The following ANKRD30A variants were observed in gnomAD, a reference collection of about 807,000 sequenced individuals.
The protein encoded by ANKRD30A is ankyrin repeat domain-containing protein 30A.
In ANKRD30A, 170 loss-of-function variants were observed where a neutral mutation model predicts 166.3. The observed-to-expected ratio is 1.02, with a 90% CI of 0.90 to 1.16. ANKRD30A has a LOEUF of 1.16. Ranked by LOEUF, ANKRD30A falls within the 50% of genes most tolerant of loss-of-function variation. The probability of loss-of-function intolerance (pLI) is 0.00; values close to 1 mark genes in which losing one functional copy is unlikely to be tolerated. For synonymous variants in ANKRD30A, 564 were observed against 508.9 expected (o/e 1.11, Z -1.46); for missense variants, 1,630 against 1,518.0 (o/e 1.07, Z -1.23).
chr10:37,194,978 G>A lies in ANKRD30A; in HGVS notation c.2614+1720G>A, dbSNP rs538921179. Among the ~76,000 whole-genome samples the A allele has an allele frequency of 4.3e-4, 65 of 152,062 alleles. 2 individuals carry two copies. The East Asian group carries it at 7.9e-3, about 18-fold the overall frequency. On this transcript the variant is annotated intron_variant, in intron 27 of 35. Transcript: ENST00000361713. ...CCAATATGCATTACAACTGTTAGTT[G>A]TTAACCATGAAAATTATGACATTGT...
chr10:37,199,349 G>A (rs1355936048), intron 29 of ANKRD30A, among the ~76,000 whole-genome samples: 2 of 151,992 alleles, frequency 1.3e-5, no homozygotes, highest in African/African-American at 2.4e-5. Context: ...ATCAACGTAA[G>A]TAATACTACC....
intron 29 of ANKRD30A, among the ~76,000 whole-genome samples, chr10:37,198,817 C>G (rs1270122079): frequency 6.6e-6 from 1 of 152,070 alleles, no homozygotes; most frequent in Non-Finnish European, 1.5e-5. Context: ...ATGAAATGGT[C>G]TTTTAAGTTT....
At chr10:37,149,197 G>A (rs978998267) in intron 9 of ANKRD30A, among the ~76,000 whole-genome samples, 4 of 151,926 alleles carry the variant, frequency 2.6e-5, no homozygotes. Context: ...ATATATCCAA[G>A]CTGATCAATT....
rs750883195 is a variant in ANKRD30A at position 37,165,048 on chromosome 10, G to A, written c.2003-46G>A. ...TTTGTATATGTTTTTAAAATTTTTA[G>A]TAGAGAACTGTGCTCATGAATGTAT... On this transcript the variant is annotated intron_variant, in intron 17 of 35. Coordinates refer to ENST00000361713, the MANE Select transcript of ANKRD30A (RefSeq NM_052997.3). 7.7e-6 allele frequency: 12 copies of A among 1,560,376 alleles called. No individual in the cohort carries two copies. In the African/African-American group the frequency reaches 8.1e-5, roughly 11 times the overall value.
rs1452927527 is a variant in ANKRD30A at position 37,190,391 on chromosome 10, A to C, written c.2512+834A>C. ...AGGTCAGGACAGAAAAGGTCAGGAG[A>C]AAGCATCATGGTGCTCTTAATTTTG... is the stretch of plus-strand genomic sequence containing the variant. On this transcript the variant is annotated intron_variant, in intron 25 of 35. Coordinates refer to ENST00000361713, the MANE Select transcript of ANKRD30A (RefSeq NM_052997.3). 4.6e-5 allele frequency among the ~76,000 whole-genome samples: 7 copies of C among 151,780 alleles called. 1 individual carries two copies. Among genetic ancestry groups the C allele is most frequent in the Admixed American group, 3.9e-4 (6 of 15,246 alleles).
rs529982404 is a variant in ANKRD30A, at chr10:37,153,439, A to G, written c.1708-133A>G. On this transcript the variant is annotated intron_variant, in intron 12 of 35. Transcript: ENST00000361713. Reference sequence around the variant, plus strand: ...CAAAATGTGTTGGTTTTCTATATGTATCTGCACTTAAGTCGAATTGTTTGC... The same window carrying G: ...CAAAATGTGTTGGTTTTCTATATGTGTCTGCACTTAAGTCGAATTGTTTGC... 7.6e-5 allele frequency: 102 copies of G among 1,337,780 alleles called. No individual in the cohort carries two copies. In the African/African-American group the frequency reaches 1.0e-3, roughly 13 times the overall value. 82.9% of individuals were successfully genotyped at this position (1,337,780 alleles called of 1,614,324 possible).
intron 30 of ANKRD30A, 55 bp from the exon 31 acceptor site, chr10:37,201,180 T>A: frequency 7.4e-7 from 1 of 1,349,776 alleles, no homozygotes; most frequent in East Asian, 2.6e-5. Context: ...ATTTTGATAA[T>A]CTTCATTATT....
chr10:37,250,150 T>C, the ANKRD30A span, among the ~76,000 whole-genome samples: 1 of 152,172 alleles, frequency 6.6e-6, no homozygotes, highest in Non-Finnish European at 1.5e-5. Flanking sequence ...TCAGAGTTGA[T>C]GGTCAAAAAT....
chr10:37,128,010 A>T (rs1429991719), intron 1 of ANKRD30A, among the ~76,000 whole-genome samples: 1 of 152,136 alleles, frequency 6.6e-6, no homozygotes, highest in African/African-American at 2.4e-5. Flanking sequence ...TTTTATAAAT[A>T]CATTTCAGTG....
At chr10:37,145,910 A>G (rs1378781600) in intron 8 of ANKRD30A, among the ~76,000 whole-genome samples, 1 of 152,306 alleles carries the variant, frequency 6.6e-6, no homozygotes, top group African/African-American at 2.4e-5. Context: ...TGGGACTATA[A>G]TAACAACAAT....
At chr10:37,162,545 C>G (rs1839001301) in intron 15 of ANKRD30A, 104 bp from the exon 16 acceptor site, 1 of 1,452,490 alleles carries the variant, frequency 6.9e-7, no homozygotes, top group East Asian at 2.3e-5. Context: ...TATTCATTCT[C>G]CAATTGGAGC....
intron 30 of ANKRD30A, 118 bp from the exon 31 acceptor site, chr10:37,201,117 T>C: frequency 1.4e-6 from 1 of 738,652 alleles, no homozygotes; most frequent in Non-Finnish European, 2.0e-6. Context: ...TGCTCTTAAG[T>C]TGAATTGCTT....
At chr10:37,167,543 C>T (rs1290215034) in intron 19 of ANKRD30A, among the ~76,000 whole-genome samples, 1 of 151,572 alleles carries the variant, frequency 6.6e-6, no homozygotes, top group Non-Finnish European at 1.5e-5. Context: ...CTGATTTTAA[C>T]ATAGAAAATG....
chr10:37,157,873 A>AT (rs1802499977), intron 13 of ANKRD30A, among the ~76,000 whole-genome samples: 4 of 152,190 alleles, frequency 2.6e-5, no homozygotes, highest in Admixed American at 2.0e-4. Context: ...TGATAAGTAC[A>AT]TTGTACCTTT....
intron 34 of ANKRD30A, 131 bp downstream of exon 34, chr10:37,220,028 T>TATATATAA (rs1491157188): frequency 1.3e-5 from 2 of 152,070 alleles, no homozygotes; most frequent in African/African-American, 6.0e-5. Flanking sequence ...TATATATATA[T>TATATATAA]AATATATGTA....
At chr10:37,210,608 C>G (rs1842249854) in intron 31 of ANKRD30A, among the ~76,000 whole-genome samples, 1 of 152,172 alleles carries the variant, frequency 6.6e-6, no homozygotes, top group Non-Finnish European at 1.5e-5. Flanking sequence ...TTCTATTTCT[C>G]CACATCCTCT....
At chr10:37,256,848 A>T in the ANKRD30A span, among the ~76,000 whole-genome samples, 2 of 152,104 alleles carry the variant, frequency 1.3e-5, no homozygotes, top group South Asian at 4.1e-4. Flanking sequence ...TATTGGCCTG[A>T]AGTTTTCTTT....
At chr10:37,164,119 A>G (rs973545076) in intron 17 of ANKRD30A, among the ~76,000 whole-genome samples, 22 of 147,544 alleles carry the variant, frequency 1.5e-4, no homozygotes, top group Admixed American at 2.8e-4. Flanking sequence ...AGTTAAATTT[A>G]CTTTTGAAAC....
In ANKRD30A at chr10:37,158,845, A is replaced by T. The variant is rs148219931; in HGVS notation, c.1900+259A>T. 2.0e-5 allele frequency among the ~76,000 whole-genome samples: 3 copies of T among 152,228 alleles called. No homozygotes were observed. The East Asian group carries it at 5.8e-4, about 30-fold the overall frequency. On this transcript the variant is annotated intron_variant, in intron 15 of 35. Transcript: ENST00000361713. ...GATAGTGTAAAGTTTCCAGTTTGCA[A>T]TTTCTGTACGTGCTTGGTTTTAAGG...
Sources: gnomAD v4.1 joint callset for allele counts (sites outside exome capture counted in the v4.1 genomes callset) on GRCh38, gnomAD v4.1.1 for gene constraint, MANE v1.5 for transcripts, NCBI Gene and HGNC (gene_info 2026-07-23, HGNC 2026-07-21) for gene names.